APOLD1: variants seen among roughly 807,000 people sequenced by gnomAD.
APOLD1 encodes apolipoprotein L domain containing 1, also known as apolipoprotein L domain-containing protein 1.
A neutral mutation model predicts 15.3 loss-of-function variants in APOLD1; 22 were observed. The ratio of observed to expected loss-of-function variants is 1.44; its 90% confidence interval spans 1.03 to 2.05. The LOEUF (loss-of-function observed/expected upper bound fraction) is 2.05. APOLD1 is among the 30% of genes most tolerant of loss of function. The probability of loss-of-function intolerance (pLI) is 0.00; values close to 1 mark genes in which losing one functional copy is unlikely to be tolerated. For missense variants in APOLD1, 394 were observed against 353.5 expected, an observed-to-expected ratio of 1.11 and a Z score of -0.92; for synonymous variants, 190 against 167.4, an observed-to-expected ratio of 1.13 and a Z score of -1.04.
At chr12:12,739,056 C>G (rs908820985) in intron 1 of APOLD1, among the ~76,000 whole-genome samples, 42 of 152,292 alleles carry the variant, frequency 2.8e-4, no homozygotes, top group Admixed American at 9.2e-4. Context: ...GACTGTAAAA[C>G]TGGTGGCTCT....
intron 1 of APOLD1, among the ~76,000 whole-genome samples, chr12:12,729,385 T>C (rs759979104): frequency 2.0e-5 from 3 of 152,188 alleles, no homozygotes; most frequent in Non-Finnish European, 4.4e-5. Context: ...GGGAAAGACT[T>C]TCTGAGTACG....
intron 1 of APOLD1, among the ~76,000 whole-genome samples, chr12:12,774,546 C>CAAAAAAAAA (rs57343706): frequency 5.5e-3 from 233 of 42,274 alleles, no homozygotes; most frequent in Non-Finnish European, 7.5e-3. Flanking sequence ...ACTCTAACTC[C>CAAAAAAAAA]AAAAAAAAAA....
At chr12:12,759,695 G>A (rs751388727) in intron 1 of APOLD1, among the ~76,000 whole-genome samples, 3 of 152,168 alleles carry the variant, frequency 2.0e-5, no homozygotes, top group Admixed American at 6.5e-5. Flanking sequence ...TCTGCAGCTC[G>A]GGCTGCCTTG....
At chr12:12,726,173 A>AAAG in intron 1 of APOLD1, 4 of 966,766 alleles carry the variant, frequency 4.1e-6, no homozygotes, top group Admixed American at 3.3e-5. Flanking sequence ...AAAAAAAAAA[A>AAAG]AAAAAAAGAG....
chr12:12,742,206 G>A (rs1466670615), intron 1 of APOLD1, among the ~76,000 whole-genome samples: 1 of 152,034 alleles, frequency 6.6e-6, no homozygotes, highest in Non-Finnish European at 1.5e-5. Context: ...ACAAAATTAC[G>A]AGGTTGCTTT....
chr12:12,790,303 C>A lies in APOLD1; in HGVS notation c.*2651C>A, dbSNP rs936098114. On this transcript the variant is annotated 3_prime_UTR_variant, in exon 2 of 2. Coordinates refer to ENST00000356591, the MANE Select transcript of APOLD1 (RefSeq NM_030817.3). ...TACAGGCATGAGCCACCTCGCCTGG[C>A]CAGATGCTAGCATTTTAGATCAAAC... 3.3e-5 allele frequency: 5 copies of A among 152,172 alleles called. No individual in the cohort carries two copies. Among genetic ancestry groups the A allele is most frequent in the African/African-American group, 1.2e-4 (5 of 41,434 alleles). The allele number at this position is 152,172 out of a possible 1,614,324, so 9.4% of individuals were successfully genotyped here.
At chr12:12,775,510 G>T (rs760562357) in intron 1 of APOLD1, among the ~76,000 whole-genome samples, 2 of 152,166 alleles carry the variant, frequency 1.3e-5, no homozygotes, top group Non-Finnish European at 2.9e-5. Context: ...GGCAATAATG[G>T]GAGAAGTTAT....
At chr12:12,782,507 G>A (rs896640564), upstream of APOLD1, among the ~76,000 whole-genome samples, 5 of 152,086 alleles carry the variant, frequency 3.3e-5, no homozygotes, top group African/African-American at 9.7e-5. Flanking sequence ...CTAATGCCGC[G>A]GTTCAGCTGC....
chr12:12,747,403 G>A (rs1393566258), intron 1 of APOLD1, among the ~76,000 whole-genome samples: 1 of 152,166 alleles, frequency 6.6e-6, no homozygotes, highest in Non-Finnish European at 1.5e-5. Flanking sequence ...TGATTTAATT[G>A]GCAAATTTGG....
intron 1 of APOLD1, among the ~76,000 whole-genome samples, chr12:12,773,178 G>A (rs146278913): frequency 4.7e-4 from 72 of 152,316 alleles, no homozygotes; most frequent in African/African-American, 1.3e-3. Flanking sequence ...CATTGAATGC[G>A]TATATTTGAA....
At chr12:12,786,868 C>A in intron 1 of APOLD1, 41 bp from the exon 2 acceptor site, 2 of 1,379,654 alleles carry the variant, frequency 1.4e-6, no homozygotes, top group South Asian at 1.7e-5. Flanking sequence ...CGGCGGCTGG[C>A]ACGGAGACTC....
chr12:12,780,733 C>T (rs1191744864), upstream of APOLD1, among the ~76,000 whole-genome samples: 1 of 54,042 alleles, frequency 1.9e-5, no homozygotes, highest in Non-Finnish European at 5.3e-5. Context: ...GGACTGCAGG[C>T]ACAGGCCACC....
chr12:12,730,389 A>G (rs1247579667), intron 1 of APOLD1, among the ~76,000 whole-genome samples: 3 of 151,922 alleles, frequency 2.0e-5, no homozygotes, highest in African/African-American at 7.3e-5. Context: ...CCTTTTAAAG[A>G]TTTTATTTCG....
At position 12,787,494 on chromosome 12, in the gene APOLD1, G is replaced by A; in HGVS notation, c.589G>A (p.Ala197Thr). ...DTKVSQAVLK[A>T]KIQKLAESLE... ...CAAGGTTAGCCAGGCCGTGCTGAAG[G>A]CCAAGATTCAGAAACTGGCCGAGAG... is the stretch of plus-strand genomic sequence containing the variant. Residue 197 changes from alanine to threonine, a missense_variant, in exon 2 of 2, where the codon GCC becomes ACC. Ala to Thr is a moderately conservative substitution (Grantham distance 58). Transcript: ENST00000356591. This position sits in a 1 kb window ranked among gnomAD's most constrained non-coding sequence, Gnocchi z 4.9. 1.9e-6 allele frequency: 3 copies of A among 1,614,154 alleles called. No homozygotes were observed. Among genetic ancestry groups the A allele is most frequent in the South Asian group, 2.2e-5 (2 of 91,090 alleles).
chr12:12,786,994 G>A lies in APOLD1; in HGVS notation c.89G>A (p.Arg30Gln). The A allele has an allele frequency of 7.0e-7, 1 of 1,419,000 alleles. No homozygotes were observed. The highest frequency in any genetic ancestry group is 9.1e-7 in the Non-Finnish European group (1 of 1,097,942). 87.9% of individuals were successfully genotyped at this position (1,419,000 alleles called of 1,614,324 possible). A position where few individuals can be genotyped will look rare whatever the true frequency, so the allele number is the denominator to read the frequency against. ...GGACTGCTGCTGGACCGCCGAGGCC[G>A]GCTGCACGGCCAGGTGCTGCGCCTG... ...FQGLLLDRRG[R>Q]LHGQVLRLRE... The change falls in exon 2 of 2, where the codon CGG becomes CAG. Residue 30 changes from arginine (R) to glutamine (Q), a missense_variant. Transcript: ENST00000356591.
chr12:12,759,498 T>C (rs1340082460), intron 1 of APOLD1, among the ~76,000 whole-genome samples: 1 of 152,206 alleles, frequency 6.6e-6, no homozygotes, highest in Non-Finnish European at 1.5e-5. Flanking sequence ...TAGACAAATA[T>C]GTTGATGGAA....
intron 1 of APOLD1, among the ~76,000 whole-genome samples, chr12:12,744,331 G>C (rs1490855243): frequency 6.6e-6 from 1 of 150,634 alleles, no homozygotes; most frequent in African/African-American, 2.4e-5. Context: ...AAAAATGGCT[G>C]GCTGTGGTGG....
intron 1 of APOLD1, among the ~76,000 whole-genome samples, chr12:12,768,779 T>C (rs1294184035): frequency 6.6e-6 from 1 of 151,770 alleles, no homozygotes; most frequent in Non-Finnish European, 1.5e-5. Context: ...GCCTAACTTA[T>C]AGAAAATGCC....
At chr12:12,736,383 T>A (rs1353181059) in intron 1 of APOLD1, among the ~76,000 whole-genome samples, 1 of 147,868 alleles carries the variant, frequency 6.8e-6, no homozygotes, top group African/African-American at 2.5e-5. Context: ...AAAAACTAGC[T>A]GGGCATGGTG....
Sources: allele counts gnomAD v4.1 joint callset (sites outside exome capture counted in the v4.1 genomes callset), GRCh38; gene constraint gnomAD v4.1.1; non-coding constraint Gnocchi (gnomAD v3.1); transcripts MANE v1.5; gene names NCBI Gene and HGNC (gene_info 2026-07-23, HGNC 2026-07-21).